The following STAG1 variants were observed in gnomAD, a reference collection of about 807,000 sequenced individuals.
STAG1 encodes the protein STAG1 cohesin complex component.
STAG1 carries 26 observed loss-of-function variants against 170.9 expected under a neutral mutation model. That is an observed-to-expected ratio of 0.15 (90% CI 0.11 to 0.21). The LOEUF (loss-of-function observed/expected upper bound fraction) is 0.21, where lower values mean the gene tolerates loss of function less well. Among genes scored for constraint, STAG1 ranks in the 10% least tolerant of loss-of-function variants. The pLI is 1.00. For synonymous variants in STAG1, 514 were observed against 497.7 expected, an observed-to-expected ratio of 1.03 and a Z score of -0.44; for missense variants, 964 against 1,509.5, an observed-to-expected ratio of 0.64 and a Z score of 5.99.
intron 5 of STAG1, among the ~76,000 whole-genome samples, chr3:136,545,733 A>G (rs1936129655): frequency 6.6e-6 from 1 of 152,118 alleles, no homozygotes; most frequent in Non-Finnish European, 1.5e-5. Flanking sequence ...AACCCTCACA[A>G]ATTATGAATA....
intron 1 of STAG1, among the ~76,000 whole-genome samples, chr3:136,717,641 G>A (rs924363892): frequency 6.6e-6 from 1 of 152,152 alleles, no homozygotes; most frequent in Non-Finnish European, 1.5e-5. Flanking sequence ...TCCAGCCTGG[G>A]CAACAAGAGT....
chr3:136,747,635 G>A (rs1935012091), intron 1 of STAG1, among the ~76,000 whole-genome samples: 2 of 150,412 alleles, frequency 1.3e-5, no homozygotes, highest in Non-Finnish European at 3.0e-5. Context: ...AACTGTGACT[G>A]CACAACTGCA....
At chr3:136,498,482 T>A (rs1426111175) in intron 9 of STAG1, among the ~76,000 whole-genome samples, 1 of 150,876 alleles carries the variant, frequency 6.6e-6, no homozygotes, top group African/African-American at 2.4e-5. Context: ...TGCTTGAGGA[T>A]GATGGAAAGG....
chr3:136,615,291 G>A (rs1472903480), intron 3 of STAG1, among the ~76,000 whole-genome samples: 1 of 151,942 alleles, frequency 6.6e-6, no homozygotes, highest in Non-Finnish European at 1.5e-5. Context: ...GTTGTGAACA[G>A]GGAAATACAA....
chr3:136,541,584 A>ACACACACC (rs1491081484), intron 6 of STAG1, among the ~76,000 whole-genome samples: 1 of 148,870 alleles, frequency 6.7e-6, no homozygotes, highest in Non-Finnish European at 1.5e-5. Flanking sequence ...ACACACACAC[A>ACACACACC]CCAGGGGTTT....
intron 12 of STAG1, among the ~76,000 whole-genome samples, chr3:136,465,670 T>TA (rs1219505237): frequency 6.6e-6 from 1 of 151,264 alleles, no homozygotes; most frequent in African/African-American, 2.4e-5. Context: ...AACAAAGTAT[T>TA]AGAATGCATT....
At chr3:136,519,796 C>T (rs1174512816) in intron 7 of STAG1, among the ~76,000 whole-genome samples, 1 of 151,838 alleles carries the variant, frequency 6.6e-6, no homozygotes, top group African/African-American at 2.4e-5. Context: ...TCTTTTTCTT[C>T]CTGATAATGA....
intron 1 of STAG1, among the ~76,000 whole-genome samples, chr3:136,663,476 ACCATGAC>A (rs1206451653): frequency 6.6e-6 from 1 of 152,238 alleles, no homozygotes; most frequent in Non-Finnish European, 1.5e-5. Context: ...TTCACTCTTA[ACCATGAC>A]CCAATCAGTT....
intron 1 of STAG1, among the ~76,000 whole-genome samples, chr3:136,651,710 T>C (rs1005234546): frequency 2.0e-5 from 3 of 152,108 alleles, no homozygotes; most frequent in African/African-American, 2.4e-5. Context: ...TGATCATATG[T>C]AGACTACCAA....
chr3:136,429,000 G>A (rs2088214808), intron 16 of STAG1, among the ~76,000 whole-genome samples: 1 of 151,974 alleles, frequency 6.6e-6, no homozygotes, highest in Non-Finnish European at 1.5e-5. Flanking sequence ...GCTAGGCGTG[G>A]TGGCACAGGC....
At position 136,473,410 on chromosome 3, in the gene STAG1, A is replaced by G. The variant is rs141035169; in HGVS notation, c.1125+129T>C. On this transcript the variant is annotated intron_variant, in intron 11 of 33. Transcript: ENST00000383202. Reference sequence around the variant, plus strand: ...CCATGAAACTGGTCCCTGGTGCCAAAAAGGTTGGGGACTGCTGTAATAAAG... The same window carrying G: ...CCATGAAACTGGTCCCTGGTGCCAAGAAGGTTGGGGACTGCTGTAATAAAG... 1,056 of 655,448 alleles carry G rather than the reference A, an allele frequency of 1.6e-3. 12 individuals are homozygous for G. The African/African-American group carries it at 0.019, about 11-fold the overall frequency. The allele number at this position is 655,448 out of a possible 1,614,324, so 40.6% of individuals were successfully genotyped here. A position where few individuals can be genotyped will look rare whatever the true frequency, so the allele number is the denominator to read the frequency against.
intron 6 of STAG1, among the ~76,000 whole-genome samples, chr3:136,523,010 A>C (rs1008497785): frequency 6.6e-6 from 1 of 152,134 alleles, no homozygotes; most frequent in Non-Finnish European, 1.5e-5. Flanking sequence ...GCTATTGTGA[A>C]TAGTGCCGCA....
intron 1 of STAG1, among the ~76,000 whole-genome samples, chr3:136,650,075 A>T (rs1576714654): frequency 6.6e-6 from 1 of 152,004 alleles, no homozygotes; most frequent in Middle Eastern, 3.2e-3. Flanking sequence ...CCAAAAAAAA[A>T]TTTTTGTAAA....
At chr3:136,723,534 G>A (rs1172198381) in intron 1 of STAG1, among the ~76,000 whole-genome samples, 15 of 151,806 alleles carry the variant, frequency 9.9e-5, no homozygotes, top group South Asian at 6.2e-4. Context: ...GTCTCTGCCC[G>A]GCAGCCACCC....
intron 1 of STAG1, among the ~76,000 whole-genome samples, chr3:136,724,567 C>G (rs955037241): frequency 4.0e-5 from 6 of 150,190 alleles, no homozygotes; most frequent in African/African-American, 1.5e-4. Context: ...CCTGCCAAAT[C>G]CCCCTCTGTG....
intron 12 of STAG1, among the ~76,000 whole-genome samples, chr3:136,468,909 A>C (rs1279541420): frequency 6.6e-6 from 1 of 152,220 alleles, no homozygotes; most frequent in Non-Finnish European, 1.5e-5. Flanking sequence ...CAATACATGC[A>C]GAAAAGGCCT....
At position 136,579,688 on chromosome 3, in the gene STAG1, T is replaced by C. The variant is rs370187088; in HGVS notation, c.298-10827A>G. Among the ~76,000 whole-genome samples the C allele has an allele frequency of 3.6e-3, 548 of 152,276 alleles. 6 individuals carry two copies. Among genetic ancestry groups the C allele is most frequent in the African/African-American group, 0.011 (446 of 41,566 alleles). Reference sequence around the variant, plus strand: ...GACCACTGACTGCCCTGAAACTTTATTGAGGTGTCCACCAGGCTCTGAATT... The same window carrying C: ...GACCACTGACTGCCCTGAAACTTTACTGAGGTGTCCACCAGGCTCTGAATT... On this transcript the variant is annotated intron_variant, in intron 4 of 33. Transcript: ENST00000383202.
rs570064230 is a variant in STAG1, at chr3:136,468,313, G to A, written c.1206-3325C>T. Among the ~76,000 whole-genome samples, 6 of 152,168 alleles carry A rather than the reference G, an allele frequency of 3.9e-5. No homozygotes were observed. The South Asian group carries it at 1.2e-3, about 32-fold the overall frequency. ...GAATCAAATAGACGCAATAAAAAAGGATAAAGGGGATATCACCACCGATCC... is the reference window on the plus strand; with the variant it reads ...GAATCAAATAGACGCAATAAAAAAGAATAAAGGGGATATCACCACCGATCC... On this transcript the variant is annotated intron_variant, in intron 12 of 33. Coordinates refer to ENST00000383202, the MANE Select transcript of STAG1 (RefSeq NM_005862.3).
Position 136,565,703 on chromosome 3 carries a change from G to A in STAG1, c.394+3062C>T, listed in dbSNP as rs569056260. Among the ~76,000 whole-genome samples the A allele has an allele frequency of 2.6e-5, 4 of 152,178 alleles. No homozygotes were observed. In the East Asian group the frequency reaches 7.7e-4, roughly 29 times the overall value. ...ATTTACACCTCAAAGACTCAAAAAC[G>A]GCACTCAAACAAGTATTTGTTCACG... On this transcript the variant is annotated intron_variant, in intron 5 of 33. Coordinates refer to ENST00000383202, the MANE Select transcript of STAG1 (RefSeq NM_005862.3).
Sources: allele counts gnomAD v4.1 joint callset (sites outside exome capture counted in the v4.1 genomes callset), GRCh38; gene constraint gnomAD v4.1.1; transcripts MANE v1.5; gene names NCBI Gene and HGNC (gene_info 2026-07-23, HGNC 2026-07-21).